Variants in TNN observed in about 807,000 individuals in gnomAD.
TNN encodes the protein tenascin N.
TNN carries 122 observed loss-of-function variants against 134.4 expected under a neutral mutation model. The observed-to-expected ratio is 0.91, with a 90% confidence interval of 0.78 to 1.06. TNN has a LOEUF of 1.06. Among genes scored for constraint, TNN ranks in the 50% least tolerant of loss-of-function variants. The pLI is 0.00. For missense variants in TNN, 1,739 were observed against 1,699.4 expected (o/e 1.02, Z -0.41); for synonymous variants, 710 against 670.3 (o/e 1.06, Z -0.91).
rs2101859375 is a variant in TNN at position 175,147,378 on chromosome 1, A to G, written c.*307A>G. 3.8e-6 allele frequency: 1 copy of G among 264,244 alleles called. No homozygotes were observed. Among genetic ancestry groups the G allele is most frequent in the East Asian group, 6.8e-5 (1 of 14,702 alleles). 16.4% of individuals were successfully genotyped at this position (264,244 alleles called of 1,614,324 possible). On this transcript the variant is annotated 3_prime_UTR_variant, in exon 19 of 19. Transcript: ENST00000239462. ...AGGGCAAGAGAAGGAATCACCCAGC[A>G]CTTCACCAGTTGGAAATCTCTGGAA...
chr1:175,146,121 C>T (rs964876385), intron 18 of TNN, among the ~76,000 whole-genome samples: 6 of 152,144 alleles, frequency 3.9e-5, no homozygotes, highest in African/African-American at 1.4e-4. Context: ...AAGAAATTTG[C>T]CCCCAGGGAA....
intron 9 of TNN, among the ~76,000 whole-genome samples, chr1:175,112,632 T>TTTTTTTTTTTG (rs1675061969): frequency 7.7e-6 from 1 of 130,150 alleles, no homozygotes; most frequent in African/African-American, 3.4e-5. Flanking sequence ...TTTTTTTTTT[T>TTTTTTTTTTTG]TTTGAGGCAA....
chr1:175,145,155 T>TG (rs1161818694), intron 18 of TNN, among the ~76,000 whole-genome samples: 1 of 151,950 alleles, frequency 6.6e-6, no homozygotes, highest in Non-Finnish European at 1.5e-5. Context: ...ATCATGTTGG[T>TG]GGGGGGTGGT....
intron 6 of TNN, among the ~76,000 whole-genome samples, chr1:175,092,518 A>C (rs1674476734): frequency 6.6e-6 from 1 of 152,224 alleles, no homozygotes; most frequent in South Asian, 2.1e-4. Flanking sequence ...TTCATGTCAC[A>C]GTAACCTTTC....
At position 175,123,613 on chromosome 1, in the gene TNN, C is replaced by T. The variant is rs1238991975; in HGVS notation, c.2864C>T (p.Ala955Val). The T allele has an allele frequency of 1.2e-6, 2 of 1,614,134 alleles. No homozygotes were observed. The highest frequency in any genetic ancestry group is 1.7e-5 in the Admixed American group (1 of 60,000). Residue 955 changes from alanine (A) to valine (V), a missense_variant, in exon 12 of 19, where the codon GCC becomes GTC. Coordinates refer to ENST00000239462, the MANE Select transcript of TNN (RefSeq NM_022093.2). ...PGMEYMVHVWAQKGAQESKKA... is the reference protein window; with the variant it reads ...PGMEYMVHVWVQKGAQESKKA... ...ATGGAGTACATGGTGCACGTGTGGG[C>T]CCAGAAGGGGGCCCAGGAGAGCAAG...
intron 9 of TNN, among the ~76,000 whole-genome samples, chr1:175,109,725 T>G (rs1442159889): frequency 4.7e-5 from 7 of 150,162 alleles, no homozygotes; most frequent in Non-Finnish European, 8.9e-5. Context: ...CACATACATA[T>G]ATATATATCA....
Position 175,077,524 on chromosome 1 carries a change from A to G in TNN, c.106A>G (p.Lys36Glu). Reference protein sequence around the residue: ...ATLEPPGCSNKEQQVTVSHTY... With the variant: ...ATLEPPGCSNEEQQVTVSHTY... ...TCTGGAGCCTCCCGGCTGCAGCAAC[A>G]AGGAGCAACAGGTCACTGTCAGCCA... The change falls in exon 2 of 19, where the codon AAG becomes GAG. Residue 36 changes from lysine (K) to glutamate (E), a missense_variant. Physicochemically the swap from Lys to Glu is moderately conservative, Grantham distance 56 (BLOSUM62 1). Coordinates refer to ENST00000239462, the MANE Select transcript of TNN (RefSeq NM_022093.2). The G allele has an allele frequency of 6.2e-7, 1 of 1,614,074 alleles. No individual in the cohort carries two copies. Among genetic ancestry groups the G allele is most frequent in the South Asian group, 1.1e-5 (1 of 91,084 alleles).
rs189438676 is a variant in TNN, at chr1:175,102,949, A to G, written c.2119+4354A>G. 7.5e-5 allele frequency among the ~76,000 whole-genome samples: 11 copies of G among 146,356 alleles called. 2 individuals are homozygous for G. The East Asian group carries it at 2.1e-3, about 28-fold the overall frequency. On this transcript the variant is annotated intron_variant, in intron 9 of 18. Coordinates refer to ENST00000239462, the MANE Select transcript of TNN (RefSeq NM_022093.2). Reference sequence around the variant, plus strand: ...TAGCTACTTCCTGCTGGATGGGGCAAAGAAGGGGCCCTGCAGTTGCGGTGT... The same window carrying G: ...TAGCTACTTCCTGCTGGATGGGGCAGAGAAGGGGCCCTGCAGTTGCGGTGT...
At chr1:175,079,154 C>T (rs1320966960) in intron 2 of TNN, among the ~76,000 whole-genome samples, 179 bp from the exon 3 acceptor site, 1 of 152,152 alleles carries the variant, frequency 6.6e-6, no homozygotes, top group Non-Finnish European at 1.5e-5. Context: ...GGGCCAACAC[C>T]TTTTCTCCCT....
chr1:175,109,590 C>T (rs1445717857), intron 9 of TNN, among the ~76,000 whole-genome samples: 2 of 151,462 alleles, frequency 1.3e-5, no homozygotes. Flanking sequence ...CCAGTTTGAT[C>T]TGTGTTGCTG....
chr1:175,147,251 G>A lies in TNN; in HGVS notation c.*180G>A, dbSNP rs1676093497. ...CTGCATTTTTGCCCGTCTTTATGAG[G>A]GTCTTGAAAATCAAAATAGTAGTTG... On this transcript the variant is annotated 3_prime_UTR_variant, in exon 19 of 19. Transcript: ENST00000239462. The A allele has an allele frequency of 3.7e-6, 2 of 540,918 alleles. No individual in the cohort carries two copies. Among genetic ancestry groups the A allele is most frequent in the African/African-American group, 1.9e-5 (1 of 51,870 alleles). The allele number at this position is 540,918 out of a possible 1,614,324, so 33.5% of individuals were successfully genotyped here.
chr1:175,130,667 G>C (rs1450618381), intron 15 of TNN, among the ~76,000 whole-genome samples: 1 of 152,140 alleles, frequency 6.6e-6, no homozygotes, highest in Non-Finnish European at 1.5e-5. Flanking sequence ...GTCTGCCCTG[G>C]AATAGTCATG....
At chr1:175,140,683 G>A (rs929984029) in intron 17 of TNN, among the ~76,000 whole-genome samples, 9 of 152,350 alleles carry the variant, frequency 5.9e-5, no homozygotes, top group Middle Eastern at 3.4e-3. Context: ...GTGCCAGCAA[G>A]TAGAGGATGT....
At chr1:175,100,785 A>G (rs1310176934) in intron 9 of TNN, among the ~76,000 whole-genome samples, 1 of 151,182 alleles carries the variant, frequency 6.6e-6, no homozygotes, top group Non-Finnish European at 1.5e-5. Context: ...ATAATGTATC[A>G]ACAAACTGGT....
At chr1:175,119,654 TGAGACAGTC>T (rs1675296138) in intron 11 of TNN, among the ~76,000 whole-genome samples, 1 of 149,842 alleles carries the variant, frequency 6.7e-6, no homozygotes, top group African/African-American at 2.5e-5. Context: ...TTTTTTTTTT[TGAGACAGTC>T]TTGCCCTGTC....
rs563127381 is a variant in TNN at position 175,127,437 on chromosome 1, A to G, written c.3045+352A>G. Among the ~76,000 whole-genome samples, 11 of 152,326 alleles carry G rather than the reference A, an allele frequency of 7.2e-5. No individual in the cohort carries two copies. The East Asian group carries it at 1.5e-3, about 21-fold the overall frequency. ...CAGCAAATTTTCAAAACCTGTCCCA[A>G]TGGAAAATTATTATTCTCCCTCCTT... On this transcript the variant is annotated intron_variant, in intron 13 of 18. Coordinates refer to ENST00000239462, the MANE Select transcript of TNN (RefSeq NM_022093.2).
chr1:175,073,797 C>T (rs1341632269), intron 1 of TNN, among the ~76,000 whole-genome samples: 2 of 152,164 alleles, frequency 1.3e-5, no homozygotes, highest in Non-Finnish European at 2.9e-5. Flanking sequence ...CAGTGCTGGG[C>T]CACCCCTCCT....
At chr1:175,090,293 A>C (rs1674411642) in intron 6 of TNN, among the ~76,000 whole-genome samples, 1 of 152,158 alleles carries the variant, frequency 6.6e-6, no homozygotes. Context: ...CTCTGAGTGC[A>C]TTTTCTACAA....
intron 13 of TNN, 47 bp from the exon 14 acceptor site, chr1:175,127,985 G>A: frequency 1.2e-6 from 2 of 1,612,324 alleles, no homozygotes; most frequent in Non-Finnish European, 8.5e-7. Flanking sequence ...GTGCTAGTGG[G>A]TGATAAACTG....
Sources: gnomAD v4.1 joint callset for allele counts (sites outside exome capture counted in the v4.1 genomes callset) on GRCh38, gnomAD v4.1.1 for gene constraint, MANE v1.5 for transcripts, NCBI Gene and HGNC (gene_info 2026-07-23, HGNC 2026-07-21) for gene names.